Variants in DAPK1 observed in about 807,000 individuals in gnomAD.
DAPK1 encodes the protein death-associated protein kinase 1.
DAPK1 carries 56 observed loss-of-function variants against 144.9 expected under a neutral mutation model. The observed-to-expected ratio is 0.39, with a 90% CI of 0.31 to 0.48. The LOEUF (loss-of-function observed/expected upper bound fraction) is 0.48. Ranked by LOEUF, DAPK1 falls within the 20% of genes least tolerant of loss-of-function variation. DAPK1 has a pLI of 0.95. For synonymous variants in DAPK1, 690 were observed against 749.0 expected (o/e 0.92, Z 1.29); for missense variants, 1,454 against 1,875.4 (o/e 0.78, Z 4.15).
chr9:87,661,173 T>C (rs1265718785), intron 18 of DAPK1, among the ~76,000 whole-genome samples: 1 of 152,220 alleles, frequency 6.6e-6, no homozygotes, highest in Non-Finnish European at 1.5e-5. Context: ...TAGTATTCCA[T>C]TGTGTATATA....
At chr9:87,531,791 T>C (rs1432495628) in intron 2 of DAPK1, among the ~76,000 whole-genome samples, 1 of 152,200 alleles carries the variant, frequency 6.6e-6, no homozygotes. Context: ...GTCCACAGAA[T>C]ATTAGAGAAT....
intron 2 of DAPK1, among the ~76,000 whole-genome samples, chr9:87,582,708 C>T (rs1436942554): frequency 1.3e-5 from 2 of 151,894 alleles, no homozygotes; most frequent in African/African-American, 4.8e-5. Context: ...GAGTGTGCCA[C>T]CACTCCTGGT....
intron 2 of DAPK1, among the ~76,000 whole-genome samples, chr9:87,575,265 ATAAAATAAAG>A (rs1470930739): frequency 1.5e-5 from 2 of 131,746 alleles, no homozygotes; most frequent in African/African-American, 2.6e-5. Context: ...ATAAAATAAA[ATAAAATAAAG>A]GTAAAAGGCA....
chr9:87,527,075 A>T (rs1825538881), intron 2 of DAPK1, among the ~76,000 whole-genome samples: 1 of 152,204 alleles, frequency 6.6e-6, no homozygotes, highest in South Asian at 2.1e-4. Flanking sequence ...GACATTGTTA[A>T]TTGTGATTAT....
intron 2 of DAPK1, chr9:87,525,566 A>G: frequency 1.1e-6 from 1 of 901,234 alleles, no homozygotes; most frequent in South Asian, 1.5e-5. Context: ...TGAAAAAACA[A>G]CAACAAAAAA....
At chr9:87,540,481 G>A (rs143392418) in intron 2 of DAPK1, among the ~76,000 whole-genome samples, 2,028 of 152,204 alleles carry the variant, frequency 0.013, 26 homozygotes, top group Middle Eastern at 0.024. Context: ...ATGAGCCGCC[G>A]TGCCTGGCCT....
intron 2 of DAPK1, among the ~76,000 whole-genome samples, chr9:87,506,249 A>G (rs144494159): frequency 6.6e-6 from 1 of 152,350 alleles, no homozygotes; most frequent in Non-Finnish European, 1.5e-5. Flanking sequence ...AATTTATTTC[A>G]GCATCTGCAT....
At position 87,658,146 on chromosome 9, in the gene DAPK1, T is replaced by C. The variant is rs376551067; in HGVS notation, c.1923+19T>C. 43 of 1,038,106 alleles carry C rather than the reference T, an allele frequency of 4.1e-5. No individual in the cohort carries two copies. The highest frequency in any genetic ancestry group is 4.1e-4 in the Middle Eastern group (2 of 4,926). The allele number at this position is 1,038,106 out of a possible 1,614,324, so 64.3% of individuals were successfully genotyped here. On this transcript the variant is annotated intron_variant, in intron 18 of 25. Coordinates refer to ENST00000408954, the MANE Select transcript of DAPK1 (RefSeq NM_004938.4). Reference sequence around the variant, plus strand: ...GACCACGGTGAGTGCCCACAGGGCTTCGTGAAGGAGGGAGCTGCTGGGAGC... The same window carrying C: ...GACCACGGTGAGTGCCCACAGGGCTCCGTGAAGGAGGGAGCTGCTGGGAGC...
At chr9:87,670,848 C>G (rs184874741) in intron 19 of DAPK1, among the ~76,000 whole-genome samples, 3 of 152,296 alleles carry the variant, frequency 2.0e-5, no homozygotes, top group Admixed American at 2.0e-4. Flanking sequence ...AACACCCTGT[C>G]AGGTCACTCG....
In DAPK1 at chr9:87,689,812, A is replaced by G. The variant is rs1351781947; in HGVS notation, c.2413+3073A>G. Among the ~76,000 whole-genome samples the G allele has an allele frequency of 4.6e-5, 7 of 151,950 alleles. 1 individual carries two copies. Among genetic ancestry groups the G allele is most frequent in the Admixed American group, 1.3e-4 (2 of 15,256 alleles). Reference sequence around the variant, plus strand: ...ATTGCCTCTGTCAAGTTATTTGGCTATGAATACCTGGATTTATTTCTGAGT... The same window carrying G: ...ATTGCCTCTGTCAAGTTATTTGGCTGTGAATACCTGGATTTATTTCTGAGT... On this transcript the variant is annotated intron_variant, in intron 21 of 25. Transcript: ENST00000408954.
chr9:87,595,722 A>T (rs1828291450), intron 2 of DAPK1, among the ~76,000 whole-genome samples: 1 of 151,496 alleles, frequency 6.6e-6, no homozygotes, highest in South Asian at 2.1e-4. Flanking sequence ...CAAGGGACCG[A>T]CCTCTCCTCT....
intron 3 of DAPK1, among the ~76,000 whole-genome samples, chr9:87,630,244 T>A (rs1174573466): frequency 6.6e-6 from 1 of 152,260 alleles, no homozygotes; most frequent in Admixed American, 6.5e-5. Flanking sequence ...ACAGTTAGCA[T>A]GCTCTGTGCT....
At chr9:87,705,188 C>T (rs1044699681) in intron 25 of DAPK1, among the ~76,000 whole-genome samples, 2 of 150,634 alleles carry the variant, frequency 1.3e-5, no homozygotes, top group Non-Finnish European at 3.0e-5. Flanking sequence ...AAGGATAGTA[C>T]CATGAACTCT....
At chr9:87,511,371 G>A (rs147349706) in intron 2 of DAPK1, among the ~76,000 whole-genome samples, 7 of 152,314 alleles carry the variant, frequency 4.6e-5, no homozygotes, top group South Asian at 2.1e-4. Context: ...GCTGCTGAAC[G>A]CAGAGCTTCA....
Position 87,585,128 on chromosome 9 carries a change from G to A in DAPK1, c.63-19826G>A, listed in dbSNP as rs191488909. Among the ~76,000 whole-genome samples, 673 of 152,262 alleles carry A rather than the reference G, an allele frequency of 4.4e-3. 1 individual carries two copies. Among genetic ancestry groups the A allele is most frequent in the Non-Finnish European group, 7.9e-3 (539 of 68,014 alleles). ...AGTTTCAAAACACTTTTTCCCATTC[G>A]GTAGGTAATCTATTCACTGTGTGTA... On this transcript the variant is annotated intron_variant, in intron 2 of 25. Transcript: ENST00000408954.
At chr9:87,679,767 A>G (rs1824537495) in intron 19 of DAPK1, among the ~76,000 whole-genome samples, 2 of 152,164 alleles carry the variant, frequency 1.3e-5, no homozygotes, top group Admixed American at 1.3e-4. Context: ...CTGCTTCTCC[A>G]TATCAGATGG....
At chr9:87,644,362 C>A (rs554748396) in intron 11 of DAPK1, among the ~76,000 whole-genome samples, 1 of 151,976 alleles carries the variant, frequency 6.6e-6, no homozygotes, top group East Asian at 1.9e-4. Context: ...AAGGCAGCCA[C>A]GGTTGTCCTG....
chr9:87,659,453 AT>A (rs1366241123), intron 18 of DAPK1, among the ~76,000 whole-genome samples: 1 of 152,178 alleles, frequency 6.6e-6, no homozygotes, highest in Non-Finnish European at 1.5e-5. Context: ...ATTTATATGC[AT>A]TTTCAAGACG....
chr9:87,662,560 G>GATTTTTTT (rs1830887987), intron 18 of DAPK1, among the ~76,000 whole-genome samples: 1 of 32,154 alleles, frequency 3.1e-5, no homozygotes, highest in Non-Finnish European at 5.1e-5. Flanking sequence ...TATATTCCTA[G>GATTTTTTT]TTTTTTTTTT....
Sources: allele counts gnomAD v4.1 joint callset (sites outside exome capture counted in the v4.1 genomes callset), GRCh38; gene constraint gnomAD v4.1.1; transcripts MANE v1.5; gene names NCBI Gene and HGNC (gene_info 2026-07-23, HGNC 2026-07-21).